The following MYLK variants were observed in gnomAD, a reference collection of about 807,000 sequenced individuals.
MYLK encodes the protein myosin light chain kinase.
MYLK carries 106 observed loss-of-function variants against 203.4 expected under a neutral mutation model. The ratio of observed to expected loss-of-function variants is 0.52; its 90% CI spans 0.45 to 0.61. MYLK has a LOEUF of 0.61. Among genes scored for constraint, MYLK ranks in the 20% least tolerant of loss-of-function variants. The probability of loss-of-function intolerance (pLI) is 0.00; values close to 1 mark genes in which losing one functional copy is unlikely to be tolerated. For synonymous variants in MYLK, 867 were observed against 959.5 expected, an observed-to-expected ratio of 0.90 and a Z score of 1.78; for missense variants, 2,072 against 2,442.3, an observed-to-expected ratio of 0.85 and a Z score of 3.20.
intron 1 of MYLK, among the ~76,000 whole-genome samples, chr3:123,883,770 G>C (rs1234086263): frequency 6.6e-6 from 1 of 152,124 alleles, no homozygotes; most frequent in Non-Finnish European, 1.5e-5. Flanking sequence ...GGGATGGCCA[G>C]GTCTGGCACT....
At chr3:123,774,493 G>GA (rs143332369) in intron 4 of MYLK, among the ~76,000 whole-genome samples, 24,510 of 151,546 alleles carry the variant, frequency 0.16, 2,584 homozygotes, top group Non-Finnish European at 0.24. Context: ...TTATAGGTAA[G>GA]AAAAAAAAAT....
chr3:123,743,340 T>G (rs1416000541), intron 5 of MYLK, among the ~76,000 whole-genome samples: 2 of 152,164 alleles, frequency 1.3e-5, no homozygotes, highest in African/African-American at 4.8e-5. Flanking sequence ...ACATATCACA[T>G]AAAGCAGTCA....
intron 2 of MYLK, among the ~76,000 whole-genome samples, chr3:123,864,262 G>T (rs1044100737): frequency 6.6e-6 from 1 of 152,186 alleles, no homozygotes; most frequent in Non-Finnish European, 1.5e-5. Flanking sequence ...CTTGAAAGGG[G>T]TTTGGGTTTC....
Position 123,614,055 on chromosome 3 carries a change from G to A in MYLK, c.*50C>T. 6.9e-7 allele frequency: 1 copy of A among 1,459,718 alleles called. No individual in the cohort carries two copies. Among genetic ancestry groups the A allele is most frequent in the Non-Finnish European group, 9.5e-7 (1 of 1,052,062 alleles). The allele number at this position is 1,459,718 out of a possible 1,614,324, so 90.4% of individuals were successfully genotyped here. ...TTTTTTTTTTTTTTTGAGTTTTAGA[G>A]AAATAGTCCTTTTAATATGACTTAG... On this transcript the variant is annotated 3_prime_UTR_variant, in exon 34 of 34. Coordinates refer to ENST00000360304, the MANE Select transcript of MYLK (RefSeq NM_053025.4).
chr3:123,693,294 C>T (rs925156430), intron 18 of MYLK, among the ~76,000 whole-genome samples: 3 of 152,154 alleles, frequency 2.0e-5, no homozygotes, highest in African/African-American at 7.2e-5. Context: ...ACTTTGTTTA[C>T]AGCAGTGATG....
chr3:123,737,305 A>AT lies in MYLK; in HGVS notation c.754+72_754+73insA, dbSNP rs1247942126. The stretch of plus-strand genomic sequence containing the variant: ...TGTATACACACACAGGTGCGCAGTG[A>AT]ACAAGCAGCTCCTCTAGGAGGGTGC... On this transcript the variant is annotated intron_variant, in intron 8 of 33. Coordinates refer to ENST00000360304, the MANE Select transcript of MYLK (RefSeq NM_053025.4). The AT allele has an allele frequency of 8.1e-6, 13 of 1,600,728 alleles. No individual in the cohort carries two copies. In the Admixed American group the frequency reaches 1.3e-4, roughly 16 times the overall value.
chr3:123,659,387 T>C (rs927940323), intron 23 of MYLK, among the ~76,000 whole-genome samples: 4 of 152,240 alleles, frequency 2.6e-5, no homozygotes, highest in Non-Finnish European at 5.9e-5. Flanking sequence ...CTGTTACACA[T>C]GTCTCTTGGC....
chr3:123,769,219 C>A (rs1207461797), intron 4 of MYLK, among the ~76,000 whole-genome samples: 3 of 152,100 alleles, frequency 2.0e-5, no homozygotes, highest in African/African-American at 7.2e-5. Context: ...TTACGAGCAG[C>A]CTCCAGGTGC....
intron 19 of MYLK, 178 bp downstream of exon 19, chr3:123,692,557 C>T (rs1050488616): frequency 1.6e-4 from 126 of 809,952 alleles, no homozygotes; most frequent in Non-Finnish European, 2.5e-4. Context: ...TGCCACTTTC[C>T]TTCCTGTCTC....
intron 13 of MYLK, among the ~76,000 whole-genome samples, chr3:123,717,530 T>G (rs1445422098): frequency 6.6e-6 from 1 of 152,146 alleles, no homozygotes; most frequent in Non-Finnish European, 1.5e-5. Flanking sequence ...CTATGTCAAA[T>G]GGGCACAACT....
At chr3:123,663,495 T>G (rs1485411034) in intron 23 of MYLK, among the ~76,000 whole-genome samples, 1 of 151,668 alleles carries the variant, frequency 6.6e-6, no homozygotes, top group African/African-American at 2.4e-5. Context: ...GAAGGTAGGG[T>G]GGCTAGAGTG....
intron 13 of MYLK, 132 bp from the exon 14 acceptor site, chr3:123,710,025 GA>G: frequency 8.6e-7 from 1 of 1,168,698 alleles, no homozygotes; most frequent in Middle Eastern, 1.9e-4. Context: ...AACAGATAAA[GA>G]GTGTTTGGAG....
At chr3:123,646,340 A>G (rs1250072878) in intron 27 of MYLK, among the ~76,000 whole-genome samples, 1 of 152,240 alleles carries the variant, frequency 6.6e-6, no homozygotes, top group Non-Finnish European at 1.5e-5. Context: ...TGTTTAGGAA[A>G]GGATAGACAG....
At chr3:123,635,601 A>T (rs2058614004) in intron 29 of MYLK, among the ~76,000 whole-genome samples, 1 of 152,144 alleles carries the variant, frequency 6.6e-6, no homozygotes, top group African/African-American at 2.4e-5. Context: ...TCTTCTCCCC[A>T]TTTCCAAAAC....
In MYLK at chr3:123,707,913, A is replaced by T. The variant is rs1386486112; in HGVS notation, c.2231T>A (p.Ile744Lys). The T allele has an allele frequency of 6.2e-7, 1 of 1,614,218 alleles. No individual in the cohort carries two copies. The highest frequency in any genetic ancestry group is 8.5e-7 in the Non-Finnish European group (1 of 1,180,046). ...LGQSVLISCA[I>K]AGDPFPTVHW... Reference sequence around the variant, plus strand: ...CACGGTAGGAAAGGGGTCACCAGCTATGGCGCAGGAGATGAGGACACTCTG... The same window carrying T: ...CACGGTAGGAAAGGGGTCACCAGCTTTGGCGCAGGAGATGAGGACACTCTG... Residue 744 changes from isoleucine (I) to lysine (K), a missense_variant, in exon 16 of 34, where the codon ATA (isoleucine) becomes AAA (lysine). By Grantham distance (102) the Ile-to-Lys change is moderately radical. This residue lies in a region of MYLK where 865 missense variants were observed against 1,016.0 expected (regional missense o/e 0.85). Coordinates refer to ENST00000360304, the MANE Select transcript of MYLK (RefSeq NM_053025.4).
At chr3:123,755,652 G>A (rs2063337721) in intron 4 of MYLK, among the ~76,000 whole-genome samples, 1 of 152,080 alleles carries the variant, frequency 6.6e-6, no homozygotes, top group Non-Finnish European at 1.5e-5. Context: ...GGGTGGTGAA[G>A]GAATAAGCCT....
chr3:123,845,361 T>C (rs1005415095), intron 2 of MYLK, among the ~76,000 whole-genome samples: 8 of 152,266 alleles, frequency 5.3e-5, no homozygotes, highest in African/African-American at 1.9e-4. Flanking sequence ...ACACAAAGAC[T>C]AGAAGCATCA....
chr3:123,720,027 G>A (rs2062032348), intron 13 of MYLK, among the ~76,000 whole-genome samples: 1 of 152,248 alleles, frequency 6.6e-6, no homozygotes. Context: ...TGCCGGGCCT[G>A]AGCGTGCGGC....
chr3:123,679,305 C>CAAA lies in MYLK; in HGVS notation c.3652+2916_3652+2918dup, dbSNP rs58401553. 1.7e-3 allele frequency among the ~76,000 whole-genome samples: 131 copies of CAAA among 76,846 alleles called. 2 individuals are homozygous for CAAA. The highest frequency in any genetic ancestry group is 0.013 in the East Asian group (41 of 3,242). 50.4% of individuals were successfully genotyped at this position (76,846 alleles called of 152,430 possible). On this transcript the variant is annotated intron_variant, in intron 20 of 33. Coordinates refer to ENST00000360304, the MANE Select transcript of MYLK (RefSeq NM_053025.4). ...CTGGTGACAGAGCGAGACTCTGTCT[C>CAAA]AAAAAAAAAAAAAAAAACAAAACAA... is the stretch of plus-strand genomic sequence containing the variant.
Sources: allele counts gnomAD v4.1 joint callset (sites outside exome capture counted in the v4.1 genomes callset), GRCh38; gene constraint gnomAD v4.1.1; regional missense constraint gnomAD v4.1.1; transcripts MANE v1.5; gene names NCBI Gene and HGNC (gene_info 2026-07-23, HGNC 2026-07-21).